The following UBAP2 variants were observed in gnomAD, a reference collection of about 807,000 sequenced individuals.
UBAP2 encodes the protein ubiquitin associated protein 2.
Under a neutral mutation model 139.6 loss-of-function variants are expected in UBAP2, and 75 were observed. That is an observed-to-expected ratio of 0.54 (90% confidence interval 0.45 to 0.65). UBAP2 has a LOEUF of 0.65. Ranked by LOEUF, UBAP2 falls within the 30% of genes least tolerant of loss-of-function variation. The pLI is 0.00. For synonymous variants in UBAP2, 526 were observed against 526.2 expected (o/e 1.00, Z 0.01); for missense variants, 1,368 against 1,369.6 (o/e 1.00, Z 0.02).
intron 16 of UBAP2, among the ~76,000 whole-genome samples, chr9:33,939,993 TG>T (rs1564022330): frequency 5.7e-5 from 2 of 35,018 alleles, no homozygotes; most frequent in African/African-American, 2.5e-4. Flanking sequence ...GGGAGGAGGG[TG>T]AGGAGGAGGG....
intron 1 of UBAP2, among the ~76,000 whole-genome samples, chr9:34,040,350 G>C (rs1053498870): frequency 2.1e-5 from 3 of 143,482 alleles, no homozygotes; most frequent in Non-Finnish European, 4.6e-5. Context: ...AAAAAAAAGG[G>C]ACAGAAAACA....
intron 2 of UBAP2, among the ~76,000 whole-genome samples, chr9:34,010,427 T>TAAAAAAAAAA (rs57695373): frequency 9.2e-6 from 1 of 108,342 alleles, no homozygotes; most frequent in African/African-American, 3.5e-5. Flanking sequence ...CTCTGCCTCA[T>TAAAAAAAAAA]AAAAAAAAAA....
Position 33,971,675 on chromosome 9 carries a change from G to A in UBAP2, c.655C>T (p.Gln219Ter). 5.6e-6 allele frequency: 9 copies of A among 1,610,464 alleles called. No homozygotes were observed. Among genetic ancestry groups the A allele is most frequent in the Non-Finnish European group, 7.6e-6 (9 of 1,176,638 alleles). ...CCAGTTCCCTCATCTGCACCATTCT[G>A]AGCAGCTTCCCAAACTACTAGCTTT... ...GTKLVVWEAA[Q>*]NGADEGTELA... The change falls in exon 8 of 29, where the codon CAG (glutamine) becomes TAG (stop). Residue 219 changes from glutamine to a stop codon, truncating the protein, a stop_gained. Coordinates refer to ENST00000379238, the MANE Select transcript of UBAP2 (RefSeq NM_001370062.2). LOFTEE classifies it high-confidence loss of function.
intron 1 of UBAP2, among the ~76,000 whole-genome samples, chr9:34,048,597 G>T (rs1047482753): frequency 6.6e-6 from 1 of 152,126 alleles, no homozygotes; most frequent in African/African-American, 2.4e-5. Flanking sequence ...GGGGAAAGTA[G>T]GAAGAAGCAC....
intron 1 of UBAP2, among the ~76,000 whole-genome samples, chr9:34,031,414 TCTCCTGCCTTGGC>T (rs1286426392): frequency 6.6e-6 from 1 of 152,066 alleles, no homozygotes; most frequent in Non-Finnish European, 1.5e-5. Flanking sequence ...TTCAAGCTAT[TCTCCTGCCTTGGC>T]CTCCTGAGTA....
chr9:34,030,693 C>T (rs977012351), intron 1 of UBAP2, among the ~76,000 whole-genome samples: 1 of 151,594 alleles, frequency 6.6e-6, no homozygotes, highest in Non-Finnish European at 1.5e-5. Context: ...TTGGGAGGCC[C>T]GGGCGCATGG....
At chr9:33,962,015 TTTAA>T in intron 9 of UBAP2, among the ~76,000 whole-genome samples, 1 of 152,324 alleles carries the variant, frequency 6.6e-6, no homozygotes, top group Middle Eastern at 3.4e-3. Flanking sequence ...ACCGAAAACA[TTTAA>T]TTCTGTCTGA....
intron 16 of UBAP2, among the ~76,000 whole-genome samples, chr9:33,938,037 A>G (rs1044404572): frequency 1.3e-5 from 2 of 152,018 alleles, no homozygotes; most frequent in African/African-American, 4.8e-5. Flanking sequence ...TGGCTCTGTC[A>G]CCCAGGCAGG....
intron 1 of UBAP2, among the ~76,000 whole-genome samples, chr9:34,037,683 T>A (rs1207925130): frequency 6.6e-6 from 1 of 152,166 alleles, no homozygotes; most frequent in East Asian, 1.9e-4. Flanking sequence ...ATGACCTGAC[T>A]GGCAATTATA....
At chr9:34,041,219 G>A (rs1463510774) in intron 1 of UBAP2, among the ~76,000 whole-genome samples, 3 of 151,834 alleles carry the variant, frequency 2.0e-5, no homozygotes, top group Non-Finnish European at 2.9e-5. Flanking sequence ...TTGGGAGGCC[G>A]AGGTGGGCAG....
upstream of UBAP2, among the ~76,000 whole-genome samples, chr9:34,049,179 T>C (rs1326957214): frequency 6.6e-6 from 1 of 152,212 alleles, no homozygotes; most frequent in Non-Finnish European, 1.5e-5. Context: ...CTGCAGCTCG[T>C]CGTCGCGCCG....
intron 4 of UBAP2, among the ~76,000 whole-genome samples, chr9:33,992,658 AGG>A (rs35197118): frequency 4.1e-4 from 17 of 41,828 alleles, no homozygotes; most frequent in African/African-American, 9.2e-4. Context: ...TATCGGGCGG[AGG>A]GGGGGGGGCA....
chr9:33,996,047 G>T lies in UBAP2; in HGVS notation c.288+176C>A, dbSNP rs572476013. The T allele has an allele frequency of 5.7e-6, 3 of 529,892 alleles. No homozygotes were observed. The East Asian group carries it at 9.6e-5, about 17-fold the overall frequency. The allele number at this position is 529,892 out of a possible 1,614,324, so 32.8% of individuals were successfully genotyped here. On this transcript the variant is annotated intron_variant, in intron 4 of 28. Coordinates refer to ENST00000379238, the MANE Select transcript of UBAP2 (RefSeq NM_001370062.2). ...TCATCAGATTCTACGACTTCATGAA[G>T]AAACCATACATAACAAAAACAGTCT...
At chr9:33,935,229 C>T (rs1473881757) in intron 17 of UBAP2, 1 of 147,714 alleles carries the variant, frequency 6.8e-6, no homozygotes, top group Non-Finnish European at 1.5e-5. Flanking sequence ...TTCTAAGCAA[C>T]AGTCCTTCAG....
intron 8 of UBAP2, among the ~76,000 whole-genome samples, chr9:33,967,577 T>C (rs982350066): frequency 1.3e-5 from 2 of 152,186 alleles, no homozygotes; most frequent in Admixed American, 1.3e-4. Flanking sequence ...GAAACAGTCA[T>C]ACATACGTAT....
intron 1 of UBAP2, among the ~76,000 whole-genome samples, chr9:34,032,362 T>G (rs1825960141): frequency 6.6e-6 from 1 of 152,120 alleles, no homozygotes; most frequent in Non-Finnish European, 1.5e-5. Flanking sequence ...ATTTCTGTCT[T>G]TATACACTCA....
intron 11 of UBAP2, among the ~76,000 whole-genome samples, chr9:33,954,845 T>G (rs982494175): frequency 6.6e-6 from 1 of 152,244 alleles, no homozygotes; most frequent in African/African-American, 2.4e-5. Context: ...CACCATCTCA[T>G]TTAGCATGAG....
chr9:33,977,220 T>C (rs929072437), intron 6 of UBAP2, among the ~76,000 whole-genome samples: 5 of 151,210 alleles, frequency 3.3e-5, no homozygotes, highest in African/African-American at 9.7e-5. Flanking sequence ...TGTATTTTTA[T>C]TAGAGACGGG....
intron 12 of UBAP2, among the ~76,000 whole-genome samples, chr9:33,952,607 C>T (rs146013468): frequency 1.1e-4 from 16 of 152,218 alleles, no homozygotes; most frequent in Admixed American, 8.5e-4. Flanking sequence ...GATAAACTTT[C>T]GCATTTAATT....
Sources: gnomAD v4.1 joint callset for allele counts (sites outside exome capture counted in the v4.1 genomes callset) on GRCh38, gnomAD v4.1.1 for gene constraint, MANE v1.5 for transcripts, NCBI Gene and HGNC (gene_info 2026-07-23, HGNC 2026-07-21) for gene names.